RAB20: variants seen among roughly 807,000 people sequenced by gnomAD.
RAB20 encodes the protein ras-related protein Rab-20.
Under a neutral mutation model 3.7 loss-of-function variants are expected in RAB20, and 2 were observed. The observed-to-expected ratio is 0.54, with a 90% CI of 0.22 to 1.69. The LOEUF is 1.69. Among genes scored for constraint, RAB20 ranks in the 40% most tolerant of loss-of-function variants. The probability of loss-of-function intolerance (pLI) is 0.19; values close to 1 mark genes in which losing one functional copy is unlikely to be tolerated. For synonymous variants in RAB20, 126 were observed against 130.8 expected (o/e 0.96, Z 0.25); for missense variants, 276 against 311.9 (o/e 0.88, Z 0.87).
At chr13:110,524,700 G>A (rs540146291) in intron 1 of RAB20, among the ~76,000 whole-genome samples, 20 of 152,310 alleles carry the variant, frequency 1.3e-4, no homozygotes, top group African/African-American at 4.3e-4. Context: ...GTGCTGCCCT[G>A]CCCAGGAAGT....
intron 1 of RAB20, among the ~76,000 whole-genome samples, chr13:110,556,176 C>T (rs1332454975): frequency 6.6e-6 from 1 of 152,210 alleles, no homozygotes; most frequent in African/African-American, 2.4e-5. Flanking sequence ...AACCTGTGCC[C>T]TCATCACATG....
rs778040492 is a variant in RAB20 at position 110,555,974 on chromosome 13, T to C, written c.172+5374A>G. ...CCCAAGGCCAGGAGACAATGTTTGT[T>C]TAGCAAAACTCACATGGTACTTCCT... is the stretch of plus-strand genomic sequence containing the variant. On this transcript the variant is annotated intron_variant, in intron 1 of 1. Transcript: ENST00000267328. This position sits in a 1 kb window ranked among gnomAD's most constrained non-coding sequence, Gnocchi z 4.0. Among the ~76,000 whole-genome samples, 1 of 152,226 alleles carries C rather than the reference T, an allele frequency of 6.6e-6. No individual in the cohort carries two copies. Among genetic ancestry groups the C allele is most frequent in the Non-Finnish European group, 1.5e-5 (1 of 68,046 alleles).
intron 1 of RAB20, among the ~76,000 whole-genome samples, chr13:110,549,575 T>C (rs765025317): frequency 1.4e-4 from 21 of 152,242 alleles, no homozygotes; most frequent in Non-Finnish European, 2.5e-4. Context: ...TCTAATCTGA[T>C]TGTGGGTCAT....
chr13:110,526,920 C>A (rs114237712), intron 1 of RAB20, among the ~76,000 whole-genome samples: 1 of 152,128 alleles, frequency 6.6e-6, no homozygotes, highest in Non-Finnish European at 1.5e-5. Flanking sequence ...TGTGACTGCA[C>A]GCACTTGGGC....
At chr13:110,554,306 C>T (rs1420315362) in intron 1 of RAB20, among the ~76,000 whole-genome samples, 1 of 152,166 alleles carries the variant, frequency 6.6e-6, no homozygotes, top group Non-Finnish European at 1.5e-5. Flanking sequence ...GGCCCACCCA[C>T]AGCATCATCA....
intron 1 of RAB20, among the ~76,000 whole-genome samples, chr13:110,554,513 C>T (rs1885006818): frequency 6.6e-6 from 1 of 152,160 alleles, no homozygotes; most frequent in South Asian, 2.1e-4. Context: ...TCACAAAAGC[C>T]ACCTGGGCTC....
rs200630352 is a variant in RAB20, at chr13:110,524,122, T to C, written c.248A>G (p.Asn83Ser). Residue 83 changes from asparagine to serine, a missense_variant, in exon 2 of 2, where the codon AAT (asparagine) becomes AGT (serine). Physicochemically the swap from Asn to Ser is conservative, Grantham distance 46 (BLOSUM62 1). Transcript: ENST00000267328. The stretch of plus-strand genomic sequence containing the variant: ...CAGCTCCACCAGGCTCTGCCGGTGA[T>C]TCACATCATAGGTGAGGATGATGGC... ...AAAIILTYDV[N>S]HRQSLVELED... The C allele has an allele frequency of 1.7e-5, 27 of 1,612,170 alleles. No individual in the cohort carries two copies. In the Admixed American group the frequency reaches 3.5e-4, roughly 21 times the overall value.
intron 1 of RAB20, among the ~76,000 whole-genome samples, chr13:110,541,721 T>C (rs1238881882): frequency 6.6e-6 from 1 of 152,028 alleles, no homozygotes; most frequent in Non-Finnish European, 1.5e-5. Context: ...ACCAACTGGA[T>C]CTGATCCCTT....
In RAB20 at chr13:110,541,104, T is replaced by A. The variant is rs1278924116; in HGVS notation, c.173-16907A>T. ...GCTTCAGCCTCTCATCAACCCAAGG[T>A]GAGAGCCGACCACCCCTCACTCTAA... On this transcript the variant is annotated intron_variant, in intron 1 of 1. Transcript: ENST00000267328. 3.9e-5 allele frequency among the ~76,000 whole-genome samples: 6 copies of A among 152,118 alleles called. No individual in the cohort carries two copies. The South Asian group carries it at 1.2e-3, about 31-fold the overall frequency.
chr13:110,561,056 T>C (rs1885119787), intron 1 of RAB20, among the ~76,000 whole-genome samples: 1 of 152,234 alleles, frequency 6.6e-6, no homozygotes, highest in South Asian at 2.1e-4. Context: ...GGAGCGTCTC[T>C]GGTTCCCAGG....
intron 1 of RAB20, among the ~76,000 whole-genome samples, chr13:110,532,316 A>T (rs1884555077): frequency 6.6e-6 from 1 of 152,252 alleles, no homozygotes; most frequent in Non-Finnish European, 1.5e-5. Context: ...ATTTCAATTC[A>T]TTGAAAAGTG....
chr13:110,561,082 C>A (rs1305599202), intron 1 of RAB20, among the ~76,000 whole-genome samples: 1 of 152,246 alleles, frequency 6.6e-6, no homozygotes, highest in South Asian at 2.1e-4. Context: ...AGAGCAGGAA[C>A]GCGGGGCTCG....
intron 1 of RAB20, among the ~76,000 whole-genome samples, chr13:110,530,091 T>A (rs1424747912): frequency 1.3e-5 from 2 of 152,008 alleles, no homozygotes; most frequent in African/African-American, 2.4e-5. Flanking sequence ...CCCTGCTCAC[T>A]GCAGACAGGG....
chr13:110,549,832 T>TCTTGCCTTAG (rs1432146106), intron 1 of RAB20, among the ~76,000 whole-genome samples: 1 of 152,102 alleles, frequency 6.6e-6, no homozygotes, highest in Non-Finnish European at 1.5e-5. Flanking sequence ...CGAACGACCC[T>TCTTGCCTTAG]CTTGCCTTAG....
intron 1 of RAB20, among the ~76,000 whole-genome samples, chr13:110,553,897 C>G (rs1219434838): frequency 1.3e-5 from 2 of 152,204 alleles, no homozygotes; most frequent in African/African-American, 4.8e-5. Context: ...AGGAAGATCA[C>G]TTTAGCCCAG....
chr13:110,557,713 G>A (rs1885062402), intron 1 of RAB20, among the ~76,000 whole-genome samples: 1 of 152,272 alleles, frequency 6.6e-6, no homozygotes. Context: ...AGTGGCGCAA[G>A]TCTGGGCTCC....
chr13:110,548,446 T>C (rs1048190684), intron 1 of RAB20, among the ~76,000 whole-genome samples: 3 of 151,756 alleles, frequency 2.0e-5, no homozygotes, highest in African/African-American at 7.3e-5. Context: ...ATCACACCAC[T>C]GTACTCCAGC....
At position 110,555,247 on chromosome 13, in the gene RAB20, A is replaced by G. The variant is rs1885019999; in HGVS notation, c.172+6101T>C. 6.6e-6 allele frequency among the ~76,000 whole-genome samples: 1 copy of G among 152,096 alleles called. No individual in the cohort carries two copies. The highest frequency in any genetic ancestry group is 1.9e-4 in the East Asian group (1 of 5,180). ...AGGCCACACCTGCTCTCCCACCACAAACCTCCAACTACTCTAACGCGCCGG... is the reference window on the plus strand; with the variant it reads ...AGGCCACACCTGCTCTCCCACCACAGACCTCCAACTACTCTAACGCGCCGG... On this transcript the variant is annotated intron_variant, in intron 1 of 1. Transcript: ENST00000267328. The surrounding 1 kb of genome is among the most constrained non-coding windows in gnomAD (Gnocchi z 4.0).
At chr13:110,558,694 GTTTTT>G (rs67548367) in intron 1 of RAB20, among the ~76,000 whole-genome samples, 4 of 50,912 alleles carry the variant, frequency 7.9e-5, no homozygotes, top group African/African-American at 1.3e-4. Context: ...CTTCCCATCT[GTTTTT>G]TTTTTTTTTT....
Sources: gnomAD v4.1 joint callset for allele counts (sites outside exome capture counted in the v4.1 genomes callset) on GRCh38, gnomAD v4.1.1 for gene constraint, Gnocchi (gnomAD v3.1) non-coding constraint, MANE v1.5 for transcripts, NCBI Gene and HGNC (gene_info 2026-07-23, HGNC 2026-07-21) for gene names.